Variants in FKBP15 observed in about 807,000 individuals in gnomAD.
FKBP15 encodes FK506-binding protein 15.
In FKBP15, 106 loss-of-function variants were observed where a neutral mutation model predicts 158.1. That is an observed-to-expected ratio of 0.67 (90% confidence interval 0.57 to 0.79). FKBP15 has a LOEUF of 0.79. FKBP15 is among the 30% of genes least tolerant of loss of function. FKBP15 has a pLI of 0.00. For synonymous variants in FKBP15, 547 were observed against 548.6 expected (o/e 1.00, Z 0.04); for missense variants, 1,287 against 1,479.1 (o/e 0.87, Z 2.13).
At chr9:113,183,245 A>AT (rs376520328) in intron 18 of FKBP15, among the ~76,000 whole-genome samples, 12 of 152,052 alleles carry the variant, frequency 7.9e-5, no homozygotes, top group Admixed American at 5.9e-4. Flanking sequence ...TGGGAGAATG[A>AT]TTTTTTTTAA....
At chr9:113,171,460 T>A in intron 24 of FKBP15, 121 bp downstream of exon 24, 2 of 1,259,916 alleles carry the variant, frequency 1.6e-6, no homozygotes, top group Non-Finnish European at 2.2e-6. Context: ...CATTTTAAAG[T>A]CATCAGACAA....
Position 113,169,865 on chromosome 9 carries a change from T to A in FKBP15, c.2844A>T (p.Ala948=). 6.5e-7 allele frequency: 1 copy of A among 1,550,356 alleles called. No homozygotes were observed. Among genetic ancestry groups the A allele is most frequent in the Non-Finnish European group, 8.7e-7 (1 of 1,146,956 alleles). Residue 948 remains alanine (A), a synonymous_variant, in exon 26 of 28, where the codon GCA becomes GCT. Coordinates refer to ENST00000238256, the MANE Select transcript of FKBP15 (RefSeq NM_015258.2). ...GGGAAGGTCTTCGTGGCCGCTCTTC[T>A]GCTTTTTCTTCTTCTTCTTCACTGC... The part of the protein sequence containing the change: ...ESSSEEEEEK[A]EERPRRPSQE...
chr9:113,166,707 G>C (rs545775449), intron 27 of FKBP15, among the ~76,000 whole-genome samples: 1 of 152,132 alleles, frequency 6.6e-6, no homozygotes, highest in Non-Finnish European at 1.5e-5. Flanking sequence ...TGAAGAACAC[G>C]GGGCCACAGC....
chr9:113,162,052 C>T lies in FKBP15; in HGVS notation c.*4026G>A. Reference sequence around the variant, plus strand: ...GCTCCCATATCCAGGAGGGGATCTGCAGCTGTCCTGAAGCAATGTATCCCA... The same window carrying T: ...GCTCCCATATCCAGGAGGGGATCTGTAGCTGTCCTGAAGCAATGTATCCCA... On this transcript the variant is annotated 3_prime_UTR_variant, in exon 28 of 28. Coordinates refer to ENST00000238256, the MANE Select transcript of FKBP15 (RefSeq NM_015258.2). 5.3e-6 allele frequency: 2 copies of T among 375,568 alleles called. No homozygotes were observed. The highest frequency in any genetic ancestry group is 1.0e-5 in the Non-Finnish European group (2 of 198,480). 23.3% of individuals were successfully genotyped at this position (375,568 alleles called of 1,614,324 possible).
chr9:113,180,811 C>T (rs989109982), intron 19 of FKBP15, among the ~76,000 whole-genome samples: 6 of 152,044 alleles, frequency 3.9e-5, no homozygotes, highest in African/African-American at 1.5e-4. Flanking sequence ...AGCCATTATT[C>T]CACGATTTTT....
At chr9:113,211,614 T>C in intron 1 of FKBP15, 22 bp from the exon 2 acceptor site, 1 of 1,544,004 alleles carries the variant, frequency 6.5e-7, no homozygotes. Flanking sequence ...AAATGAAAAA[T>C]GAAATTTCAC....
At chr9:113,189,842 A>T (rs1830544860) in intron 12 of FKBP15, among the ~76,000 whole-genome samples, 1 of 152,228 alleles carries the variant, frequency 6.6e-6, no homozygotes, top group South Asian at 2.1e-4. Flanking sequence ...GCATACACCA[A>T]ATTCCAAATG....
intron 1 of FKBP15, among the ~76,000 whole-genome samples, chr9:113,217,511 C>T (rs1831163967): frequency 6.6e-6 from 1 of 152,070 alleles, no homozygotes; most frequent in African/African-American, 2.4e-5. Flanking sequence ...CGCACAGTCC[C>T]ATTTTCTATT....
intron 11 of FKBP15, 95 bp from the exon 12 acceptor site, chr9:113,190,673 C>A: frequency 1.2e-6 from 1 of 839,960 alleles, no homozygotes; most frequent in Admixed American, 2.2e-5. Context: ...AATCCTTCAA[C>A]AAATCCCCCT....
intron 1 of FKBP15, among the ~76,000 whole-genome samples, chr9:113,212,395 G>C (rs1033009320): frequency 1.3e-5 from 2 of 151,998 alleles, no homozygotes; most frequent in South Asian, 4.2e-4. Context: ...CACCATGCTG[G>C]CCAGGCTGGT....
chr9:113,164,171 G>C lies in FKBP15; in HGVS notation c.*1907C>G, dbSNP rs1830063199. The C allele has an allele frequency of 6.6e-6, 1 of 152,470 alleles. No individual in the cohort carries two copies. Among genetic ancestry groups the C allele is most frequent in the Non-Finnish European group, 1.5e-5 (1 of 68,044 alleles). The allele number at this position is 152,470 out of a possible 1,614,324, so 9.4% of individuals were successfully genotyped here. On this transcript the variant is annotated 3_prime_UTR_variant, in exon 28 of 28. Coordinates refer to ENST00000238256, the MANE Select transcript of FKBP15 (RefSeq NM_015258.2). ...CTGTTCTGTTCTCCTAATTCCAACAGAAAGCACATGAACCCTTGTAACAAC... is the reference window on the plus strand; with the variant it reads ...CTGTTCTGTTCTCCTAATTCCAACACAAAGCACATGAACCCTTGTAACAAC...
At position 113,174,446 on chromosome 9, in the gene FKBP15, G is replaced by C; in HGVS notation, c.2361C>G (p.Asp787Glu). 2 of 1,613,826 alleles carry C rather than the reference G, an allele frequency of 1.2e-6. No individual in the cohort carries two copies. The highest frequency in any genetic ancestry group is 2.2e-5 in the South Asian group (2 of 91,072). The change falls in exon 22 of 28, where the codon GAC (aspartate) becomes GAG (glutamate). Residue 787 changes from aspartate to glutamate, a missense_variant. By Grantham distance (45) the Asp-to-Glu change is conservative. Transcript: ENST00000238256. The stretch of plus-strand genomic sequence containing the variant: ...CCATTACCTGCTCTGCAGCTGCTTG[G>C]TCTGTGGACACTCGAGTCTTTTTCA... Reference protein sequence around the residue: ...QLLKKTRVSTDQAAAEQLSLV... With the variant: ...QLLKKTRVSTEQAAAEQLSLV...
Position 113,198,918 on chromosome 9 carries a change from G to T in FKBP15, c.654C>A (p.Phe218Leu). The T allele has an allele frequency of 6.3e-7, 1 of 1,599,794 alleles. No homozygotes were observed. Residue 218 changes from phenylalanine (F) to leucine (L), a missense_variant, in exon 8 of 28, where the codon TTC (phenylalanine) becomes TTA (leucine). By Grantham distance (22) the Phe-to-Leu change is conservative. Coordinates refer to ENST00000238256, the MANE Select transcript of FKBP15 (RefSeq NM_015258.2). The surrounding 1 kb of genome is among the most constrained non-coding windows in gnomAD (Gnocchi z 5.2). ...ACTTATCTTTGTTAGCAGTGGAGTC[G>T]AAAACCTGCAATTTGATCGAAGGAA... ...LFQNHVLGQV[F>L]DSTANKDKLL...
intron 12 of FKBP15, among the ~76,000 whole-genome samples, chr9:113,188,868 C>G (rs1830527450): frequency 6.6e-6 from 1 of 152,134 alleles, no homozygotes; most frequent in Non-Finnish European, 1.5e-5. Context: ...TGGTCTTTTG[C>G]AAGAAATAAT....
At chr9:113,173,364 G>C (rs1830247383) in intron 23 of FKBP15, 89 bp downstream of exon 23, 2 of 1,405,066 alleles carry the variant, frequency 1.4e-6, no homozygotes, top group Admixed American at 4.0e-5. Flanking sequence ...ATAACTTTCA[G>C]GCTTAGAAGG....
At position 113,164,794 on chromosome 9, in the gene FKBP15, C is replaced by G. The variant is rs1409183934; in HGVS notation, c.*1284G>C. On this transcript the variant is annotated 3_prime_UTR_variant, in exon 28 of 28. Transcript: ENST00000238256. ...TACCTCTCTAAGTCTCAGTTTTCTC[C>G]TCTATAAAATGGTGATAACACTGTC... 1 of 152,180 alleles carries G rather than the reference C, an allele frequency of 6.6e-6. No homozygotes were observed. The highest frequency in any genetic ancestry group is 1.9e-4 in the East Asian group (1 of 5,192). The allele number at this position is 152,180 out of a possible 1,614,324, so 9.4% of individuals were successfully genotyped here.
intron 9 of FKBP15, among the ~76,000 whole-genome samples, chr9:113,195,567 G>C (rs572864207): frequency 5.9e-5 from 9 of 152,248 alleles, no homozygotes; most frequent in Non-Finnish European, 1.3e-4. Flanking sequence ...GTCCAGTTAG[G>C]AACAGTTAGG....
At chr9:113,213,725 T>C (rs1406425241) in intron 1 of FKBP15, among the ~76,000 whole-genome samples, 1 of 152,116 alleles carries the variant, frequency 6.6e-6, no homozygotes, top group Non-Finnish European at 1.5e-5. Flanking sequence ...AGAGAGTTCC[T>C]ACCAAGAAGA....
chr9:113,207,400 C>A, intron 2 of FKBP15, 104 bp from the exon 3 acceptor site: 2 of 823,370 alleles, frequency 2.4e-6, no homozygotes, highest in Non-Finnish European at 3.9e-6. Flanking sequence ...AGTGCAGTGG[C>A]GTGATCTCGG....
Sources: gnomAD v4.1 joint callset for allele counts (sites outside exome capture counted in the v4.1 genomes callset) on GRCh38, gnomAD v4.1.1 for gene constraint, Gnocchi (gnomAD v3.1) non-coding constraint, MANE v1.5 for transcripts, NCBI Gene and HGNC (gene_info 2026-07-23, HGNC 2026-07-21) for gene names.